Variants in FGA observed in about 807,000 individuals in gnomAD.
FGA encodes the protein fibrinogen, A alpha polypeptide.
Under a neutral mutation model 20.3 loss-of-function variants are expected in FGA, and 20 were observed. The ratio of observed to expected loss-of-function variants is 0.99; its 90% CI spans 0.69 to 1.43. The LOEUF (loss-of-function observed/expected upper bound fraction) is 1.43, where lower values mean the gene tolerates loss of function less well. FGA is among the 40% of genes most tolerant of loss of function. The probability of loss-of-function intolerance (pLI) is 0.00; values close to 1 mark genes in which losing one functional copy is unlikely to be tolerated. For missense variants in FGA, 777 were observed against 784.7 expected, an observed-to-expected ratio of 0.99 and a Z score of 0.12; for synonymous variants, 306 against 281.6, an observed-to-expected ratio of 1.09 and a Z score of -0.87.
Position 154,589,489 on chromosome 4 carries a change from T to C in FGA, c.128A>G (p.His43Arg), listed in dbSNP as rs374076087. ...GVRGPRVVER[H>R]QSACKDSDWP... is the part of the protein sequence containing the mutation. ...GTCTGAATCTTTGCAGGCAGATTGA[T>C]GTCTTTCCACAACCCTTGGGCCACG... The change falls in exon 2 of 5, where the codon CAT becomes CGT. Residue 43 changes from histidine to arginine, a missense_variant. Coordinates refer to ENST00000403106, the MANE Select transcript of FGA (RefSeq NM_021871.4). 2.5e-6 allele frequency: 4 copies of C among 1,614,154 alleles called. No homozygotes were observed. The highest frequency in any genetic ancestry group is 3.4e-6 in the Non-Finnish European group (4 of 1,180,014).
rs758424291 is a variant in FGA, at chr4:154,588,906, C to T, written c.251G>A (p.Arg84Lys). The T allele has an allele frequency of 6.2e-7, 1 of 1,612,980 alleles. No homozygotes were observed. Among genetic ancestry groups the T allele is most frequent in the East Asian group, 2.2e-5 (1 of 44,848 alleles). ...IDEVNQDFTN[R>K]INKLKNSLFE... ...TAGTGAATTTTTGAGCTTATTTATT[C>T]TGTTTGTAAAATCTTGATTGACTTC... Residue 84 changes from arginine to lysine, a missense_variant, in exon 3 of 5, where the codon AGA (arginine) becomes AAA (lysine). Physicochemically the swap from Arg to Lys is conservative, Grantham distance 26. Transcript: ENST00000403106.
At chr4:154,584,821 A>C (rs780951960), downstream of FGA, 3 of 1,612,280 alleles carry the variant, frequency 1.9e-6, no homozygotes, top group Non-Finnish European at 2.5e-6. Context: ...TGTTTGGAGG[A>C]CATCATCACA....
rs369650423 is a variant in FGA, at chr4:154,586,352, G to C, written c.1077C>G (p.Thr359=). 6.2e-7 allele frequency: 1 copy of C among 1,614,178 alleles called. No individual in the cohort carries two copies. The highest frequency in any genetic ancestry group is 1.3e-5 in the African/African-American group (1 of 75,046). ...CGCGTTCAGAGCTGCCAGGATTCCA[G>C]GTTCCGGTACTACCAGGTCTAGGGC... ...PGSPRPGSTG[T]WNPGSSERGS... The change falls in exon 5 of 5, where the codon ACC becomes ACG. Residue 359 remains threonine (T), a synonymous_variant. Transcript: ENST00000403106.
Position 154,585,657 on chromosome 4 carries a change from C to G in FGA, c.1772G>C (p.Arg591Thr). The change falls in exon 5 of 5, where the codon AGA (arginine) becomes ACA (threonine). Residue 591 changes from arginine (R) to threonine (T), a missense_variant. Physicochemically the swap from Arg to Thr is moderately conservative, Grantham distance 71. Coordinates refer to ENST00000403106, the MANE Select transcript of FGA (RefSeq NM_021871.4). Reference sequence around the variant, plus strand: ...CTTGCTTTCAAATGTGGAGTCTCCTCTGTTGTAACTCGTGCTACTAGTAAA... The same window carrying G: ...CTTGCTTTCAAATGTGGAGTCTCCTGTGTTGTAACTCGTGCTACTAGTAAA... ...KQFTSSTSYN[R>T]GDSTFESKSY... The G allele has an allele frequency of 6.2e-7, 1 of 1,614,170 alleles. No individual in the cohort carries two copies. The highest frequency in any genetic ancestry group is 8.5e-7 in the Non-Finnish European group (1 of 1,180,026).
rs139005577 is a variant in FGA, at chr4:154,586,327, C to G, written c.1102G>C (p.Gly368Arg). Residue 368 changes from glycine (G) to arginine (R), a missense_variant, in exon 5 of 5, where the codon GGA becomes CGA. Physicochemically the swap from Gly to Arg is moderately radical, Grantham distance 125. Transcript: ENST00000403106. ...TCAGAGGTCCAGTGCCCAGCACTTC[C>G]GCGTTCAGAGCTGCCAGGATTCCAG... ...GTWNPGSSER[G>R]SAGHWTSESS... The G allele has an allele frequency of 1.2e-6, 2 of 1,614,190 alleles. No individual in the cohort carries two copies. The highest frequency in any genetic ancestry group is 1.1e-5 in the South Asian group (1 of 91,090).
rs112298611 is a variant in FGA, at chr4:154,589,697, C to A, written c.55-135G>T. The A allele has an allele frequency of 1.1e-5, 11 of 959,764 alleles. No homozygotes were observed. The South Asian group carries it at 1.5e-4, about 13-fold the overall frequency. 59.5% of individuals were successfully genotyped at this position (959,764 alleles called of 1,614,324 possible). A position where few individuals can be genotyped will look rare whatever the true frequency, so the allele number is the denominator to read the frequency against. ...ATTAAGGAGAGCAGACACAGGGCTT[C>A]GGCAAGCTTCAGGTTTCTTATCTTC... On this transcript the variant is annotated intron_variant, in intron 1 of 4. Coordinates refer to ENST00000403106, the MANE Select transcript of FGA (RefSeq NM_021871.4).
chr4:154,584,189 A>G (rs1186454322), downstream of FGA: 4 of 1,611,464 alleles, frequency 2.5e-6, no homozygotes, highest in Non-Finnish European at 3.4e-6. Flanking sequence ...GCCCCTCTAA[A>G]GGAAACCCAG....
In FGA at chr4:154,585,755, CTTTG is replaced by C; in HGVS notation, c.1670_1673del (p.Thr557ArgfsTer10). 1.2e-6 allele frequency: 2 copies of C among 1,614,110 alleles called. No individual in the cohort carries two copies. Among genetic ancestry groups the C allele is most frequent in the Non-Finnish European group, 8.5e-7 (1 of 1,180,012 alleles). ...TCCCAGGGTGATGAGAACTGGATTC[CTTTG>C]TATTTGTGAAGATGCCAGATTCTGA... is the stretch of plus-strand genomic sequence containing the variant. On this transcript the variant is annotated frameshift_variant, in exon 5 of 5. Transcript: ENST00000403106. LOFTEE classifies it low-confidence loss of function (END_TRUNC).
intron 3 of FGA, 88 bp from the exon 4 acceptor site, chr4:154,587,745 G>GAGAAAGAAAAAGAA (rs1553964332): frequency 1.9e-6 from 1 of 513,616 alleles, no homozygotes; most frequent in South Asian, 2.9e-5. Context: ...AGGAAGGAAG[G>GAGAAAGAAAAAGAA]AGAAAGAAAG....
Position 154,586,037 on chromosome 4 carries a change from G to C in FGA, c.1392C>G (p.Thr464=). The C allele has an allele frequency of 6.2e-7, 1 of 1,614,108 alleles. No homozygotes were observed. The highest frequency in any genetic ancestry group is 8.5e-7 in the Non-Finnish European group (1 of 1,180,010). ...TTTTRRSCSK[T]VTKTVIGPDG... ...CAGGACCAATAACAGTCTTAGTAACGGTTTTAGAGCATGAACGACGCGTGG... is the reference window on the plus strand; with the variant it reads ...CAGGACCAATAACAGTCTTAGTAACCGTTTTAGAGCATGAACGACGCGTGG... Residue 464 remains threonine, a synonymous_variant, in exon 5 of 5, where the codon ACC becomes ACG. Transcript: ENST00000403106.
At chr4:154,584,402 C>T (rs765888222), downstream of FGA, 7 of 1,614,016 alleles carry the variant, frequency 4.3e-6, no homozygotes, top group African/African-American at 6.7e-5. Context: ...GTGTACTCTG[C>T]CCCTTCCTCT....
chr4:154,583,981 C>A (rs867945639), downstream of FGA: 17 of 653,186 alleles, frequency 2.6e-5, no homozygotes, highest in Middle Eastern at 8.3e-4. Context: ...GTCTCAGGTA[C>A]ATTTAGCTAC....
rs199554805 is a variant in FGA, at chr4:154,588,913, T to C, written c.244A>G (p.Thr82Ala). ...TTTTTGAGCTTATTTATTCTGTTTG[T>C]AAAATCTTGATTGACTTCATCAATC... ...GLIDEVNQDF[T>A]NRINKLKNSL... The change falls in exon 3 of 5, where the codon ACA (threonine) becomes GCA (alanine). Residue 82 changes from threonine to alanine, a missense_variant. Coordinates refer to ENST00000403106, the MANE Select transcript of FGA (RefSeq NM_021871.4). The C allele has an allele frequency of 6.2e-7, 1 of 1,613,524 alleles. No individual in the cohort carries two copies. Among genetic ancestry groups the C allele is most frequent in the Non-Finnish European group, 8.5e-7 (1 of 1,179,556 alleles).
rs765285466 is a variant in FGA at position 154,589,447 on chromosome 4, T to C, written c.170A>G (p.Asp57Gly). ...CKDSDWPFCS[D>G]EDWNYKCPSG... ...CCGCTGACTGCTTACCCAGTCTTCATCAGAGCAGAAGGGCCAGTCTGAATC... is the reference window on the plus strand; with the variant it reads ...CCGCTGACTGCTTACCCAGTCTTCACCAGAGCAGAAGGGCCAGTCTGAATC... Residue 57 changes from aspartate (D) to glycine (G), a missense_variant, in exon 2 of 5, where the codon GAT becomes GGT. Physicochemically the swap from Asp to Gly is moderately conservative, Grantham distance 94. Transcript: ENST00000403106. 2 of 1,613,950 alleles carry C rather than the reference T, an allele frequency of 1.2e-6. No individual in the cohort carries two copies. The highest frequency in any genetic ancestry group is 2.7e-5 in the African/African-American group (2 of 74,926).
chr4:154,587,433 A>T lies in FGA; in HGVS notation c.510+79T>A. On this transcript the variant is annotated intron_variant, in intron 4 of 4. Coordinates refer to ENST00000403106, the MANE Select transcript of FGA (RefSeq NM_021871.4). ...TAACACTTTTCTCTGCATATAGTAG[A>T]CACTCAGTGCATAACTATCGCCTTC... 4 of 1,246,962 alleles carry T rather than the reference A, an allele frequency of 3.2e-6. No individual in the cohort carries two copies. The South Asian group carries it at 3.6e-5, about 11-fold the overall frequency. 77.2% of individuals were successfully genotyped at this position (1,246,962 alleles called of 1,614,324 possible).
chr4:154,584,657 G>A (rs982383204), downstream of FGA: 9 of 1,613,952 alleles, frequency 5.6e-6, no homozygotes, highest in Non-Finnish European at 7.6e-6. Context: ...TTGTAGTCTT[G>A]CCAGGTCCGG....
downstream of FGA, chr4:154,583,385 T>C (rs1730633011): frequency 6.6e-6 from 1 of 152,222 alleles, no homozygotes; most frequent in African/African-American, 2.4e-5. Flanking sequence ...AAAATGAAGT[T>C]AAATCAATAC....
chr4:154,587,365 G>A, intron 4 of FGA, 147 bp downstream of exon 4: 2 of 787,582 alleles, frequency 2.5e-6, no homozygotes, highest in Non-Finnish European at 4.3e-6. Context: ...CTTCAACTGT[G>A]GAGTGAGGAA....
At chr4:154,588,697 G>T in intron 3 of FGA, 96 bp downstream of exon 3, 1 of 915,968 alleles carries the variant, frequency 1.1e-6, no homozygotes, top group Non-Finnish European at 1.8e-6. Context: ...AAGTACTTTG[G>T]GATGAAATTG....
Sources: gnomAD v4.1 joint callset for allele counts on GRCh38, gnomAD v4.1.1 for gene constraint, MANE v1.5 for transcripts, NCBI Gene and HGNC (gene_info 2026-07-23, HGNC 2026-07-21) for gene names.